Variants in CLNK observed in about 807,000 individuals in gnomAD.
The protein encoded by CLNK is cytokine dependent hematopoietic cell linker, also known as cytokine-dependent hematopoietic cell linker.
A neutral mutation model predicts 68.6 loss-of-function variants in CLNK; 74 were observed. That is an observed-to-expected ratio of 1.08 (90% CI 0.89 to 1.31). The LOEUF (loss-of-function observed/expected upper bound fraction) is 1.31, where lower values mean the gene tolerates loss of function less well. Ranked by LOEUF, CLNK falls within the 50% of genes most tolerant of loss-of-function variation. CLNK has a pLI of 0.00. For synonymous variants in CLNK, 198 were observed against 172.2 expected (o/e 1.15, Z -1.17); for missense variants, 553 against 515.3 (o/e 1.07, Z -0.71).
At chr4:10,706,842 C>A in the CLNK span, among the ~76,000 whole-genome samples, 211 of 152,200 alleles carry the variant, frequency 1.4e-3, 1 homozygote, top group African/African-American at 4.8e-3. Flanking sequence ...AAAGGACCAC[C>A]CTCTTGGCCA....
the CLNK span, among the ~76,000 whole-genome samples, chr4:10,699,531 T>TTTTTTTG: frequency 8.8e-6 from 1 of 113,880 alleles, no homozygotes; most frequent in Non-Finnish European, 1.8e-5. Context: ...TTTTTTTTTC[T>TTTTTTTG]GAGACGGTTT....
At chr4:10,567,976 T>A (rs1720188739) in intron 5 of CLNK, among the ~76,000 whole-genome samples, 1 of 152,252 alleles carries the variant, frequency 6.6e-6, no homozygotes, top group Admixed American at 6.5e-5. Flanking sequence ...CTGATGGGAA[T>A]GTAACAGGGT....
At position 10,490,480 on chromosome 4, in the gene CLNK, A is replaced by T; in HGVS notation, c.1274T>A (p.Leu425His). The change falls in exon 19 of 19, where the codon CTC becomes CAC. Residue 425 changes from leucine (L) to histidine (H), a missense_variant. Coordinates refer to ENST00000226951, the MANE Select transcript of CLNK (RefSeq NM_052964.4). ...ACAAAGACCAGGCTACAGAGGCAAGAGGTGTCTGGTGAGAGGGAGTGGCTG... is the reference window on the plus strand; with the variant it reads ...ACAAAGACCAGGCTACAGAGGCAAGTGGTGTCTGGTGAGAGGGAGTGGCTG... Reference protein sequence around the residue: ...LTQPLPLTRHLLPL With the variant: ...LTQPLPLTRHHLPL The T allele has an allele frequency of 6.2e-7, 1 of 1,613,556 alleles. No homozygotes were observed. The highest frequency in any genetic ancestry group is 8.5e-7 in the Non-Finnish European group (1 of 1,179,738).
chr4:10,564,479 G>A (rs1226054184), intron 7 of CLNK, among the ~76,000 whole-genome samples, 192 bp downstream of exon 7: 4 of 152,142 alleles, frequency 2.6e-5, no homozygotes, highest in East Asian at 3.8e-4. Context: ...CTTTCTAGAG[G>A]TAGGGCCATG....
At chr4:10,680,683 G>T (rs1042896363) in intron 1 of CLNK, among the ~76,000 whole-genome samples, 4 of 151,946 alleles carry the variant, frequency 2.6e-5, no homozygotes, top group African/African-American at 7.3e-5. Flanking sequence ...GCATTTTTAT[G>T]TACTGAATCT....
chr4:10,638,243 C>A (rs1437164627), intron 2 of CLNK, among the ~76,000 whole-genome samples: 4 of 152,296 alleles, frequency 2.6e-5, no homozygotes, highest in Non-Finnish European at 5.9e-5. Flanking sequence ...TCGTAACCAC[C>A]CTGGGAAAAC....
rs143113985 is a variant in CLNK, at chr4:10,497,754, C to G, written c.1140+3502G>C. 8.3e-3 allele frequency among the ~76,000 whole-genome samples: 1,260 copies of G among 152,310 alleles called. 11 individuals are homozygous for G. The highest frequency in any genetic ancestry group is 0.037 in the Middle Eastern group (11 of 294). On this transcript the variant is annotated intron_variant, in intron 18 of 18. Transcript: ENST00000226951. ...AGTAAATGATGTTCATTAATATGTC[C>G]TTTCCAGAGCTTTTTCAAGAACTCC...
intron 8 of CLNK, among the ~76,000 whole-genome samples, chr4:10,544,082 T>A (rs1719135870): frequency 6.6e-6 from 1 of 152,212 alleles, no homozygotes; most frequent in Admixed American, 6.5e-5. Context: ...TCTTGCTGCC[T>A]GTGTTGATGA....
At chr4:10,651,095 G>A (rs1577196879) in intron 2 of CLNK, among the ~76,000 whole-genome samples, 1 of 152,198 alleles carries the variant, frequency 6.6e-6, no homozygotes, top group African/African-American at 2.4e-5. Flanking sequence ...CTCTTACACT[G>A]TTGGTGAGTG....
intron 8 of CLNK, among the ~76,000 whole-genome samples, chr4:10,557,650 T>G (rs1190944838): frequency 1.3e-5 from 2 of 152,214 alleles, no homozygotes; most frequent in Non-Finnish European, 1.5e-5. Flanking sequence ...TGCCATAAAT[T>G]TCCTTAAATT....
At chr4:10,688,350 C>T (rs1266536647), upstream of CLNK, among the ~76,000 whole-genome samples, 2 of 152,074 alleles carry the variant, frequency 1.3e-5, no homozygotes, top group African/African-American at 2.4e-5. Flanking sequence ...AGGCATGAAA[C>T]TCTTGGGTAG....
chr4:10,631,408 C>A (rs1045744520), intron 2 of CLNK, among the ~76,000 whole-genome samples: 3 of 152,104 alleles, frequency 2.0e-5, no homozygotes, highest in African/African-American at 7.2e-5. Context: ...TGCCTTTGCC[C>A]CAGATGCTCA....
intron 4 of CLNK, among the ~76,000 whole-genome samples, chr4:10,582,770 A>C (rs77116197): frequency 0.041 from 6,198 of 152,324 alleles, 188 homozygotes; most frequent in Middle Eastern, 0.099. Flanking sequence ...GATATGCAAA[A>C]AAGAAGGAAA....
chr4:10,701,466 T>C, the CLNK span, among the ~76,000 whole-genome samples: 1 of 152,182 alleles, frequency 6.6e-6, no homozygotes, highest in East Asian at 1.9e-4. Flanking sequence ...TGTGCTAGAC[T>C]CTGGGAGGAA....
At chr4:10,602,950 A>C (rs1176649123) in intron 2 of CLNK, among the ~76,000 whole-genome samples, 1 of 152,178 alleles carries the variant, frequency 6.6e-6, no homozygotes, top group Non-Finnish European at 1.5e-5. Context: ...GACGGTGGAG[A>C]GTAAGTACAA....
chr4:10,656,861 T>C (rs1724009993), intron 2 of CLNK, among the ~76,000 whole-genome samples: 1 of 152,132 alleles, frequency 6.6e-6, no homozygotes, highest in Non-Finnish European at 1.5e-5. Context: ...CATAAAAATA[T>C]TATATTTCCA....
At chr4:10,513,144 C>T (rs573776457) in intron 16 of CLNK, among the ~76,000 whole-genome samples, 1 of 152,076 alleles carries the variant, frequency 6.6e-6, no homozygotes, top group African/African-American at 2.4e-5. Context: ...GTTAACCCCC[C>T]ACAAGATTAT....
At chr4:10,692,247 G>A in the CLNK span, 1 of 152,196 alleles carries the variant, frequency 6.6e-6, no homozygotes, top group Non-Finnish European at 1.5e-5. Flanking sequence ...ACACAAAGAG[G>A]TTAAGTTCCA....
chr4:10,578,178 T>C (rs1250353995), intron 4 of CLNK, among the ~76,000 whole-genome samples: 2 of 152,240 alleles, frequency 1.3e-5, no homozygotes, highest in Non-Finnish European at 2.9e-5. Flanking sequence ...AACAAGATGC[T>C]GTGTTGTGTG....
Sources: gnomAD v4.1 joint callset for allele counts (sites outside exome capture counted in the v4.1 genomes callset) on GRCh38, gnomAD v4.1.1 for gene constraint, MANE v1.5 for transcripts, NCBI Gene and HGNC (gene_info 2026-07-23, HGNC 2026-07-21) for gene names.